The following CNOT1 variants were observed in gnomAD, a reference collection of about 807,000 sequenced individuals.
CNOT1 encodes CCR4-NOT transcription complex subunit 1.
A neutral mutation model predicts 273.8 loss-of-function variants in CNOT1; 15 were observed. The observed-to-expected ratio is 0.05, with a 90% CI of 0.04 to 0.08. The LOEUF is 0.08. Ranked by LOEUF, CNOT1 falls within the 10% of genes least tolerant of loss-of-function variation. The probability of loss-of-function intolerance (pLI) is 1.00; values close to 1 mark genes in which losing one functional copy is unlikely to be tolerated. For synonymous variants in CNOT1, 1,022 were observed against 1,005.5 expected (o/e 1.02, Z -0.31); for missense variants, 1,644 against 2,912.2 (o/e 0.56, Z 10.02).
At chr16:58,601,677 A>C (rs1430491663) in intron 1 of CNOT1, among the ~76,000 whole-genome samples, 1 of 151,022 alleles carries the variant, frequency 6.6e-6, no homozygotes, top group Non-Finnish European at 1.5e-5. Flanking sequence ...TAAAGGATAC[A>C]TAGTTTTATG....
At chr16:58,569,207 C>G (rs2041174050) in intron 16 of CNOT1, among the ~76,000 whole-genome samples, 1 of 152,202 alleles carries the variant, frequency 6.6e-6, no homozygotes, top group Non-Finnish European at 1.5e-5. Flanking sequence ...AGTGTACCTT[C>G]CATCTCCTGG....
At chr16:58,592,565 G>A (rs2042101662) in intron 2 of CNOT1, among the ~76,000 whole-genome samples, 1 of 152,062 alleles carries the variant, frequency 6.6e-6, no homozygotes, top group Admixed American at 6.6e-5. Context: ...TTCCAGGCTG[G>A]TCAACACACC....
intron 42 of CNOT1, among the ~76,000 whole-genome samples, chr16:58,530,913 CCCTGTGTA>C (rs1258611548): frequency 6.6e-6 from 1 of 151,980 alleles, no homozygotes; most frequent in African/African-American, 2.4e-5. Context: ...ACATAATGGT[CCCTGTGTA>C]CCTGTAGCAA....
chr16:58,527,682 C>T (rs1371123733), intron 44 of CNOT1, among the ~76,000 whole-genome samples: 1 of 152,108 alleles, frequency 6.6e-6, no homozygotes, highest in East Asian at 1.9e-4. Flanking sequence ...AGGGGATATG[C>T]AAAGGTTATA....
intron 44 of CNOT1, among the ~76,000 whole-genome samples, chr16:58,526,743 G>C (rs1278708573): frequency 6.6e-6 from 1 of 150,478 alleles, no homozygotes; most frequent in East Asian, 2.0e-4. Flanking sequence ...CTGAACCCAG[G>C]AGGCAGAGGT....
intron 2 of CNOT1, among the ~76,000 whole-genome samples, chr16:58,590,729 C>A (rs1304569492): frequency 6.6e-6 from 1 of 152,158 alleles, no homozygotes; most frequent in Non-Finnish European, 1.5e-5. Context: ...GGTGCCACTG[C>A]ACTCCCACCT....
At position 58,551,225 on chromosome 16, in the gene CNOT1, A is replaced by T. The variant is rs763760451; in HGVS notation, c.3249T>A (p.Asp1083Glu). The T allele has an allele frequency of 6.2e-7, 1 of 1,606,864 alleles. No individual in the cohort carries two copies. Among genetic ancestry groups the T allele is most frequent in the Non-Finnish European group, 8.5e-7 (1 of 1,178,388 alleles). The part of the protein sequence containing the change: ...TNIDTLLVAT[D>E]QTERIVEPPE... ...GGGGCTCCACAATTCTCTCAGTTTG[A>T]TCTGTGGCCACAAGCAACGTATCTA... The change falls in exon 24 of 49, where the codon GAT (aspartate) becomes GAA (glutamate). Residue 1083 changes from aspartate (D) to glutamate (E), a missense_variant. Physicochemically the swap from Asp to Glu is conservative, Grantham distance 45. Around this residue, in one of 13 missense-constraint regions of CNOT1, gnomAD observed 124 missense variants for 289.3 expected, o/e 0.43. Coordinates refer to ENST00000317147, the MANE Select transcript of CNOT1 (RefSeq NM_016284.5).
chr16:58,552,954 T>C (rs2151932802), intron 22 of CNOT1, among the ~76,000 whole-genome samples: 1 of 152,274 alleles, frequency 6.6e-6, no homozygotes, highest in East Asian at 1.9e-4. Context: ...CTTACGTCTA[T>C]TTTCCCAGGG....
intron 19 of CNOT1, 44 bp from the exon 20 acceptor site, chr16:58,555,952 C>T: frequency 1.2e-6 from 2 of 1,600,308 alleles, no homozygotes; most frequent in Non-Finnish European, 1.7e-6. Flanking sequence ...TAAGCCCTTC[C>T]TCCACTTCCC....
At chr16:58,608,718 CCCAT>C (rs1307183948) in intron 1 of CNOT1, among the ~76,000 whole-genome samples, 1 of 152,168 alleles carries the variant, frequency 6.6e-6, no homozygotes, top group Non-Finnish European at 1.5e-5. Flanking sequence ...AATCCAAATG[CCCAT>C]CCATCAACGA....
Position 58,532,005 on chromosome 16 carries a change from G to T in CNOT1, c.6130C>A (p.His2044Asn). The T allele has an allele frequency of 1.2e-6, 2 of 1,614,134 alleles. No individual in the cohort carries two copies. The highest frequency in any genetic ancestry group is 2.2e-5 in the South Asian group (2 of 91,078). ...FVYAWLELIS[H>N]RIFIARMLAH... Reference sequence around the variant, plus strand: ...AGCATTCTTGCAATAAATATCCGATGGGAAATCAGTTCAAGCCAGGCATAT... The same window carrying T: ...AGCATTCTTGCAATAAATATCCGATTGGAAATCAGTTCAAGCCAGGCATAT... The change falls in exon 42 of 49, where the codon CAT becomes AAT. Residue 2044 changes from histidine (H) to asparagine (N), a missense_variant. Around this residue, in one of 13 missense-constraint regions of CNOT1, gnomAD observed 133 missense variants for 328.2 expected, o/e 0.41. Transcript: ENST00000317147.
chr16:58,554,276 G>A (rs941249473), intron 21 of CNOT1, among the ~76,000 whole-genome samples: 5 of 152,024 alleles, frequency 3.3e-5, no homozygotes, highest in African/African-American at 9.7e-5. Flanking sequence ...GTATGACTCT[G>A]TGTAAATGGC....
intron 16 of CNOT1, among the ~76,000 whole-genome samples, chr16:58,569,684 T>C (rs936443973): frequency 3.3e-5 from 5 of 149,598 alleles, no homozygotes; most frequent in Admixed American, 6.7e-5. Flanking sequence ...TCAATTAAAA[T>C]TATCCAGCCT....
intron 41 of CNOT1, 64 bp downstream of exon 41, chr16:58,532,168 C>T: frequency 1.2e-6 from 2 of 1,605,426 alleles, no homozygotes; most frequent in East Asian, 2.2e-5. Context: ...AAGAGTTCTA[C>T]TCCCAAAATT....
chr16:58,546,221 A>G (rs994641338), intron 29 of CNOT1, 100 bp downstream of exon 29: 14 of 1,056,598 alleles, frequency 1.3e-5, no homozygotes, highest in Non-Finnish European at 2.0e-5. Context: ...TCACCACTAC[A>G]TTATGTGGGA....
At chr16:58,587,143 T>C (rs2041901091) in intron 6 of CNOT1, 58 bp downstream of exon 6, 1 of 1,584,042 alleles carries the variant, frequency 6.3e-7, no homozygotes, top group Non-Finnish European at 8.6e-7. Context: ...GCCTCATGAT[T>C]AAAAACCCAC....
chr16:58,555,400 G>A lies in CNOT1; in HGVS notation c.2742C>T (p.Ala914=). The change falls in exon 21 of 49, where the codon GCC becomes GCT. Residue 914 remains alanine (A), a synonymous_variant. Coordinates refer to ENST00000317147, the MANE Select transcript of CNOT1 (RefSeq NM_016284.5). ...TCTCAATTATACCACCAAATAGGCAGGCTGTTATATGTAACTCTTTATCAG... is the reference window on the plus strand; with the variant it reads ...TCTCAATTATACCACCAAATAGGCAAGCTGTTATATGTAACTCTTTATCAG... The part of the protein sequence containing the change: ...QYPDKELHIT[A]CLFGGIIEKG... 1 of 1,614,168 alleles carries A rather than the reference G, an allele frequency of 6.2e-7. No homozygotes were observed. Among genetic ancestry groups the A allele is most frequent in the Non-Finnish European group, 8.5e-7 (1 of 1,180,034 alleles).
Position 58,520,877 on chromosome 16 carries a change from T to C in CNOT1, c.*81A>G, listed in dbSNP as rs1451382050. ...AAGGGCTGGGAAAGTCAGGAAGAGC[T>C]GAAAGGATTCTTCAGTCAGTTTATG... On this transcript the variant is annotated 3_prime_UTR_variant, in exon 49 of 49. Coordinates refer to ENST00000317147, the MANE Select transcript of CNOT1 (RefSeq NM_016284.5). The C allele has an allele frequency of 7.0e-7, 1 of 1,430,032 alleles. No individual in the cohort carries two copies. Among genetic ancestry groups the C allele is most frequent in the Non-Finnish European group, 9.8e-7 (1 of 1,025,482 alleles). 88.6% of individuals were successfully genotyped at this position (1,430,032 alleles called of 1,614,324 possible).
chr16:58,585,658 C>A (rs893060757), intron 7 of CNOT1, 152 bp from the exon 8 acceptor site: 3 of 1,324,330 alleles, frequency 2.3e-6, no homozygotes, highest in Non-Finnish European at 2.0e-6. Flanking sequence ...GCCGAAGTTA[C>A]GACTTTAACA....
Sources: allele counts gnomAD v4.1 joint callset (sites outside exome capture counted in the v4.1 genomes callset), GRCh38; gene constraint gnomAD v4.1.1; regional missense constraint gnomAD v4.1.1; transcripts MANE v1.5; gene names NCBI Gene and HGNC (gene_info 2026-07-23, HGNC 2026-07-21).